The following RXRA variants were observed in gnomAD, a reference collection of about 807,000 sequenced individuals.
RXRA encodes retinoic acid receptor RXR-alpha.
A neutral mutation model predicts 44.5 loss-of-function variants in RXRA; 5 were observed. The ratio of observed to expected loss-of-function variants is 0.11; its 90% confidence interval spans 0.06 to 0.24. The LOEUF is 0.24. RXRA is among the 10% of genes least tolerant of loss of function. The probability of loss-of-function intolerance (pLI) is 1.00; values close to 1 mark genes in which losing one functional copy is unlikely to be tolerated. For synonymous variants in RXRA, 291 were observed against 271.4 expected (o/e 1.07, Z -0.71); for missense variants, 412 against 646.5 (o/e 0.64, Z 3.93).
At chr9:134,404,341 C>G (rs1167493667) in intron 2 of RXRA, 1 of 152,562 alleles carries the variant, frequency 6.6e-6, no homozygotes, top group Non-Finnish European at 1.5e-5. Flanking sequence ...CCAGGCCAGA[C>G]CGCAGCTGCC....
rs762745065 is a variant in RXRA, at chr9:134,432,012, C to T, written c.1135+16C>T. ...TTTAACCCTGGTATGGCCTTCCTGC[C>T]TTGAGGCTTCTGGCCCCGTTCTCTG... On this transcript the variant is annotated intron_variant, in intron 8 of 9. Coordinates refer to ENST00000481739, the MANE Select transcript of RXRA (RefSeq NM_002957.6). The T allele has an allele frequency of 1.9e-6, 3 of 1,602,566 alleles. No individual in the cohort carries two copies. Among genetic ancestry groups the T allele is most frequent in the Non-Finnish European group, 1.7e-6 (2 of 1,170,158 alleles).
At chr9:134,338,748 C>T (rs1830044149) in intron 1 of RXRA, among the ~76,000 whole-genome samples, 1 of 152,218 alleles carries the variant, frequency 6.6e-6, no homozygotes, top group Non-Finnish European at 1.5e-5. Context: ...CCCAGCCTTG[C>T]CCTGGGGCCA....
chr9:134,356,258 C>T (rs544819803), intron 1 of RXRA, among the ~76,000 whole-genome samples: 6 of 152,278 alleles, frequency 3.9e-5, no homozygotes, highest in Non-Finnish European at 7.4e-5. Context: ...GGTGACTCTC[C>T]CTGGGGGAGT....
At chr9:134,355,283 G>C (rs536362455) in intron 1 of RXRA, among the ~76,000 whole-genome samples, 26 of 152,324 alleles carry the variant, frequency 1.7e-4, no homozygotes, top group Middle Eastern at 3.4e-3. Context: ...GCATCTCTGT[G>C]TCTCTTTGCG....
intron 5 of RXRA, among the ~76,000 whole-genome samples, chr9:134,419,564 G>A (rs538029959): frequency 2.6e-5 from 4 of 152,334 alleles, no homozygotes; most frequent in Non-Finnish European, 4.4e-5. Flanking sequence ...GGTCCAGAGA[G>A]GGGGCGACCT....
At chr9:134,357,125 G>A (rs1830293070) in intron 1 of RXRA, among the ~76,000 whole-genome samples, 1 of 147,658 alleles carries the variant, frequency 6.8e-6, no homozygotes, top group Non-Finnish European at 1.5e-5. Context: ...CTGTGTCTCC[G>A]CAGCCTGTTG....
At chr9:134,339,467 CTG>C (rs1830055507) in intron 1 of RXRA, among the ~76,000 whole-genome samples, 1 of 150,314 alleles carries the variant, frequency 6.7e-6, no homozygotes, top group South Asian at 2.1e-4. Context: ...GTGTGTGAGC[CTG>C]TGTGTGGGTG....
At chr9:134,354,502 G>T (rs1310874468) in intron 1 of RXRA, among the ~76,000 whole-genome samples, 1 of 152,206 alleles carries the variant, frequency 6.6e-6, no homozygotes, top group Non-Finnish European at 1.5e-5. Flanking sequence ...TGCCCATCAG[G>T]CACTATTGAA....
chr9:134,381,665 G>A (rs933433171), intron 1 of RXRA, among the ~76,000 whole-genome samples: 7 of 152,208 alleles, frequency 4.6e-5, no homozygotes, highest in Middle Eastern at 6.8e-3. Flanking sequence ...GGATCTGGCC[G>A]GCAGGTAGGC....
chr9:134,376,388 T>C (rs1830557842), intron 1 of RXRA, among the ~76,000 whole-genome samples: 1 of 152,218 alleles, frequency 6.6e-6, no homozygotes, highest in Non-Finnish European at 1.5e-5. Flanking sequence ...CTCCCGTCTA[T>C]GCTGTCTCCA....
At chr9:134,338,365 T>G (rs1351686433) in intron 1 of RXRA, among the ~76,000 whole-genome samples, 1 of 152,226 alleles carries the variant, frequency 6.6e-6, no homozygotes, top group African/African-American at 2.4e-5. Flanking sequence ...CCTCCTCATG[T>G]CAGGGTGCCC....
intron 5 of RXRA, among the ~76,000 whole-genome samples, chr9:134,421,241 G>A (rs35972140): frequency 0.048 from 7,356 of 152,298 alleles, 214 homozygotes; most frequent in Non-Finnish European, 0.066. Flanking sequence ...GGTGCCTGCC[G>A]GCTGGCTCCT....
At chr9:134,419,499 G>A (rs1213028897) in intron 5 of RXRA, among the ~76,000 whole-genome samples, 2 of 152,162 alleles carry the variant, frequency 1.3e-5, no homozygotes, top group Non-Finnish European at 1.5e-5. Context: ...GGACTGGCCT[G>A]GGTCCAACTT....
chr9:134,438,202 G>GC lies in RXRA; in HGVS notation c.*1589dup, dbSNP rs1356307652. On this transcript the variant is annotated 3_prime_UTR_variant, in exon 10 of 10. Coordinates refer to ENST00000481739, the MANE Select transcript of RXRA (RefSeq NM_002957.6). ...TTCCCAGCCGCAGTCTAGGAATGAT[G>GC]CGGGGGGGTGGACGCCTTCTCCATA... 1 of 152,576 alleles carries GC rather than the reference G, an allele frequency of 6.6e-6. No homozygotes were observed. The highest frequency in any genetic ancestry group is 1.9e-4 in the East Asian group (1 of 5,190). 9.5% of individuals were successfully genotyped at this position (152,576 alleles called of 1,614,324 possible). A position where few individuals can be genotyped will look rare whatever the true frequency, so the allele number is the denominator to read the frequency against.
intron 1 of RXRA, among the ~76,000 whole-genome samples, chr9:134,353,911 G>A (rs542833255): frequency 1.3e-5 from 2 of 152,326 alleles, no homozygotes; most frequent in Admixed American, 6.5e-5. Context: ...TTTGGGGAAC[G>A]TGTCCCCAAG....
intron 6 of RXRA, among the ~76,000 whole-genome samples, chr9:134,428,420 C>A (rs1483099589): frequency 7.0e-6 from 1 of 143,604 alleles, no homozygotes; most frequent in Admixed American, 6.8e-5. Flanking sequence ...ACCACCCGCC[C>A]CAGGGAACCC....
rs184368467 is a variant in RXRA at position 134,331,017 on chromosome 9, G to A, written c.28+4358G>A. ...TGGACCAGAACAGGCCATGATGGTC[G>A]CTGGGGGCTGTCAGGTGTAGAGGAA... On this transcript the variant is annotated intron_variant, in intron 1 of 9. Coordinates refer to ENST00000481739, the MANE Select transcript of RXRA (RefSeq NM_002957.6). Among the ~76,000 whole-genome samples the A allele has an allele frequency of 3.9e-4, 60 of 152,288 alleles. 1 individual carries two copies. In the East Asian group the frequency reaches 0.01, roughly 26 times the overall value.
Position 134,366,618 on chromosome 9 carries a change from A to G in RXRA, c.29-35014A>G, listed in dbSNP as rs1564271724. ...TGGGGCAGGGAGGAAGGGCCCCTCC[A>G]CTAGTGGGCTTTGGCCTCCTCGTGA... is the stretch of plus-strand genomic sequence containing the variant. On this transcript the variant is annotated intron_variant, in intron 1 of 9. Coordinates refer to ENST00000481739, the MANE Select transcript of RXRA (RefSeq NM_002957.6). This position sits in a 1 kb window ranked among gnomAD's most constrained non-coding sequence, Gnocchi z 5.9. 1.3e-5 allele frequency among the ~76,000 whole-genome samples: 2 copies of G among 152,040 alleles called. No homozygotes were observed. Among genetic ancestry groups the G allele is most frequent in the Non-Finnish European group, 2.9e-5 (2 of 67,994 alleles).
At chr9:134,328,503 G>A (rs1834950977) in intron 1 of RXRA, among the ~76,000 whole-genome samples, 1 of 152,172 alleles carries the variant, frequency 6.6e-6, no homozygotes, top group African/African-American at 2.4e-5. Flanking sequence ...CTGTTCTCGA[G>A]CAGCAGCTCT....
Sources: gnomAD v4.1 joint callset for allele counts (sites outside exome capture counted in the v4.1 genomes callset) on GRCh38, gnomAD v4.1.1 for gene constraint, Gnocchi (gnomAD v3.1) non-coding constraint, MANE v1.5 for transcripts, NCBI Gene and HGNC (gene_info 2026-07-23, HGNC 2026-07-21) for gene names.